Variants in KLRG1 observed in about 807,000 individuals in gnomAD.
KLRG1 encodes killer cell lectin-like receptor subfamily G member 1.
In KLRG1, 16 loss-of-function variants were observed where a neutral mutation model predicts 21.8. The ratio of observed to expected loss-of-function variants is 0.73; its 90% CI spans 0.50 to 1.11. KLRG1 has a LOEUF of 1.11. Among genes scored for constraint, KLRG1 ranks in the 50% most tolerant of loss-of-function variants. The probability of loss-of-function intolerance (pLI) is 0.00; values close to 1 mark genes in which losing one functional copy is unlikely to be tolerated. For synonymous variants in KLRG1, 69 were observed against 75.9 expected, an observed-to-expected ratio of 0.91 and a Z score of 0.47; for missense variants, 173 against 218.3, an observed-to-expected ratio of 0.79 and a Z score of 1.31.
the KLRG1 span, among the ~76,000 whole-genome samples, chr12:9,173,860 C>T: frequency 1.3e-5 from 2 of 152,080 alleles, no homozygotes; most frequent in Non-Finnish European, 2.9e-5. Context: ...AAAAAAAGCC[C>T]AGGACCAGAT....
the KLRG1 span, chr12:9,069,956 C>T: frequency 1.2e-5 from 8 of 663,624 alleles, no homozygotes; most frequent in East Asian, 5.4e-5. Flanking sequence ...TAATGTAATA[C>T]AATTAAAAAT....
rs1259827168 is a variant in KLRG1 at position 8,995,235 on chromosome 12, T to C, written c.304T>C (p.Phe102Leu). The C allele has an allele frequency of 6.2e-7, 1 of 1,613,916 alleles. No individual in the cohort carries two copies. Residue 102 changes from phenylalanine (F) to leucine (L), a missense_variant, in exon 3 of 5, where the codon TTC (phenylalanine) becomes CTC (leucine). Around this residue, in one of 3 missense-constraint regions of KLRG1, gnomAD observed 144 missense variants for 161.5 expected, o/e 0.89. Coordinates refer to ENST00000356986, the MANE Select transcript of KLRG1 (RefSeq NM_005810.4). ...EEKDWNSSLE[F>L]CLARDSHLLV... is the part of the protein sequence containing the mutation. ...AAAGGACTGGAATTCTAGTCTGGAA[T>C]TCTGCCTAGCCAGAGACTCACACCT...
chr12:9,007,052 G>T (rs1461130686), intron 3 of KLRG1, among the ~76,000 whole-genome samples: 1 of 152,162 alleles, frequency 6.6e-6, no homozygotes, highest in East Asian at 1.9e-4. Flanking sequence ...TAGATTATTT[G>T]GGAAGAAAAG....
At chr12:9,013,563 G>GT (rs1947660207), downstream of KLRG1, among the ~76,000 whole-genome samples, 1 of 152,174 alleles carries the variant, frequency 6.6e-6, no homozygotes, top group Non-Finnish European at 1.5e-5. Flanking sequence ...TGGACTCACA[G>GT]TTCCATGTGG....
At chr12:9,163,914 G>A in the KLRG1 span, 1 of 1,326,300 alleles carries the variant, frequency 7.5e-7, no homozygotes, top group Non-Finnish European at 1.0e-6. Flanking sequence ...AAACCCACAA[G>A]GTTAATGTAT....
chr12:9,082,383 T>C, the KLRG1 span, among the ~76,000 whole-genome samples: 3 of 152,134 alleles, frequency 2.0e-5, no homozygotes, highest in Non-Finnish European at 2.9e-5. Context: ...CTCCACCAGA[T>C]AGCAGAGACA....
downstream of KLRG1, among the ~76,000 whole-genome samples, chr12:9,011,422 T>C (rs1947630863): frequency 6.6e-6 from 1 of 152,200 alleles, no homozygotes; most frequent in Admixed American, 6.5e-5. Context: ...AGCACTTACA[T>C]TGCACAGTGG....
chr12:9,116,065 C>G, the KLRG1 span: 1 of 554,000 alleles, frequency 1.8e-6, no homozygotes. Flanking sequence ...AGGTTAATTC[C>G]TGGCGGGCTA....
chr12:9,097,882 C>T, the KLRG1 span, among the ~76,000 whole-genome samples: 1 of 152,326 alleles, frequency 6.6e-6, no homozygotes, highest in African/African-American at 2.4e-5. Context: ...ATCTGCCTGC[C>T]TTGGCCTCCC....
At chr12:9,115,928 C>G in the KLRG1 span, 1 of 1,179,768 alleles carries the variant, frequency 8.5e-7, no homozygotes, top group Middle Eastern at 2.0e-4. Context: ...CCAAACACTT[C>G]CCAAAGCAAC....
the KLRG1 span, among the ~76,000 whole-genome samples, chr12:9,202,988 T>C: frequency 1.3e-5 from 2 of 152,154 alleles, no homozygotes; most frequent in Non-Finnish European, 2.9e-5. Context: ...TGAAAAAATA[T>C]GGGAGAGCAT....
chr12:9,103,355 A>T, the KLRG1 span, among the ~76,000 whole-genome samples: 1 of 152,184 alleles, frequency 6.6e-6, no homozygotes, highest in South Asian at 2.1e-4. Context: ...TTGAGCCAGT[A>T]TTTTTAACCA....
chr12:8,968,742 G>A (rs1946520572), intron 1 of KLRG1, among the ~76,000 whole-genome samples: 2 of 152,150 alleles, frequency 1.3e-5, no homozygotes, highest in South Asian at 4.1e-4. Context: ...TACAAGGACT[G>A]AAATCATGCA....
At chr12:9,097,287 T>TA in the KLRG1 span, among the ~76,000 whole-genome samples, 4 of 152,102 alleles carry the variant, frequency 2.6e-5, no homozygotes, top group African/African-American at 9.7e-5. Context: ...AACATTTTTT[T>TA]ATAAGTTTCT....
At chr12:9,012,798 C>T (rs1191639698), downstream of KLRG1, among the ~76,000 whole-genome samples, 1 of 151,966 alleles carries the variant, frequency 6.6e-6, no homozygotes, top group African/African-American at 2.4e-5. Context: ...AAGGTAGAGA[C>T]CCAGGCCTGG....
the KLRG1 span, chr12:9,154,570 A>G: frequency 5.0e-5 from 78 of 1,555,498 alleles, no homozygotes; most frequent in South Asian, 5.0e-4. Flanking sequence ...AAGCCTCCCA[A>G]TTGCCAAGTG....
downstream of KLRG1, among the ~76,000 whole-genome samples, chr12:9,011,337 A>G (rs1947630001): frequency 6.6e-6 from 1 of 152,238 alleles, no homozygotes; most frequent in South Asian, 2.1e-4. Context: ...GGCTGGGGTC[A>G]GTTAGTAACT....
chr12:9,025,095 G>A, the KLRG1 span, among the ~76,000 whole-genome samples: 2 of 152,144 alleles, frequency 1.3e-5, no homozygotes, highest in Non-Finnish European at 2.9e-5. Flanking sequence ...CAATATGAAG[G>A]TCATGTTTAT....
the KLRG1 span, chr12:9,109,817 A>G: frequency 6.6e-7 from 1 of 1,522,440 alleles, no homozygotes; most frequent in African/African-American, 1.4e-5. Context: ...AGGACCTAAG[A>G]GTTTAAATAT....
Sources: gnomAD v4.1 joint callset for allele counts (sites outside exome capture counted in the v4.1 genomes callset) on GRCh38, gnomAD v4.1.1 for gene constraint, gnomAD v4.1.1 regional missense constraint, MANE v1.5 for transcripts, NCBI Gene and HGNC (gene_info 2026-07-23, HGNC 2026-07-21) for gene names.